Variants in TRIM3 observed in about 807,000 individuals in gnomAD.
TRIM3 encodes tripartite motif containing 3, also known as tripartite motif-containing protein 3.
In TRIM3, 13 loss-of-function variants were observed where a neutral mutation model predicts 66.6. The ratio of observed to expected loss-of-function variants is 0.20; its 90% confidence interval spans 0.13 to 0.31. The LOEUF (loss-of-function observed/expected upper bound fraction) is 0.31, where lower values mean the gene tolerates loss of function less well. Ranked by LOEUF, TRIM3 falls within the 10% of genes least tolerant of loss-of-function variation. TRIM3 has a pLI of 1.00. For missense variants in TRIM3, 711 were observed against 1,020.4 expected (o/e 0.70, Z 4.13); for synonymous variants, 406 against 411.7 (o/e 0.99, Z 0.17).
intron 2 of TRIM3, among the ~76,000 whole-genome samples, chr11:6,463,752 T>A (rs550727346): frequency 5.8e-4 from 89 of 152,246 alleles, no homozygotes; most frequent in African/African-American, 2.1e-3. Flanking sequence ...GATTATAAGA[T>A]TCAGGGCATG....
chr11:6,465,202 C>T (rs116989614), intron 2 of TRIM3, among the ~76,000 whole-genome samples: 2 of 152,072 alleles, frequency 1.3e-5, no homozygotes, highest in Non-Finnish European at 2.9e-5. Context: ...GAAGGACAGA[C>T]CTAACTTCAA....
In TRIM3 at chr11:6,456,051, G is replaced by A; in HGVS notation, c.1533+21C>T. The A allele has an allele frequency of 1.2e-6, 2 of 1,608,882 alleles. No individual in the cohort carries two copies. Among genetic ancestry groups the A allele is most frequent in the Non-Finnish European group, 8.5e-7 (1 of 1,175,298 alleles). Reference sequence around the variant, plus strand: ...GAAAACTCTTATTTTGGTGGTGGAGGAGAGCGGTAAAGGTGCTTACCTGAA... The same window carrying A: ...GAAAACTCTTATTTTGGTGGTGGAGAAGAGCGGTAAAGGTGCTTACCTGAA... On this transcript the variant is annotated intron_variant, in intron 7 of 11. Transcript: ENST00000345851. The surrounding 1 kb of genome is among the most constrained non-coding windows in gnomAD (Gnocchi z 6.4).
chr11:6,464,684 T>C (rs1002624537), intron 2 of TRIM3, among the ~76,000 whole-genome samples: 3 of 152,110 alleles, frequency 2.0e-5, no homozygotes, highest in Non-Finnish European at 2.9e-5. Flanking sequence ...ATGTAAACTA[T>C]TGTGTATCAG....
chr11:6,457,435 A>C lies in TRIM3; in HGVS notation c.557T>G (p.Ile186Ser). ...LSAAIALVGG[I>S]SQQLQERKAE... Reference sequence around the variant, plus strand: ...CTTGCGCTCCTGCAGCTGCTGGCTGATGCCCCCGACTAAGGCAATTGCTGC... The same window carrying C: ...CTTGCGCTCCTGCAGCTGCTGGCTGCTGCCCCCGACTAAGGCAATTGCTGC... The change falls in exon 5 of 12, where the codon ATC (isoleucine) becomes AGC (serine). Residue 186 changes from isoleucine (I) to serine (S), a missense_variant. Physicochemically the swap from Ile to Ser is moderately radical, Grantham distance 142. Coordinates refer to ENST00000345851, the MANE Select transcript of TRIM3 (RefSeq NM_033278.4). The surrounding 1 kb of genome is among the most constrained non-coding windows in gnomAD (Gnocchi z 4.5). 6.2e-7 allele frequency: 1 copy of C among 1,613,374 alleles called. No homozygotes were observed. The highest frequency in any genetic ancestry group is 8.5e-7 in the Non-Finnish European group (1 of 1,180,028).
In TRIM3 at chr11:6,456,397, G is replaced by C; in HGVS notation, c.1329C>G (p.Ser443Arg). 6.5e-7 allele frequency: 1 copy of C among 1,530,350 alleles called. No individual in the cohort carries two copies. Among genetic ancestry groups the C allele is most frequent in the Non-Finnish European group, 8.8e-7 (1 of 1,136,288 alleles). 94.8% of individuals were successfully genotyped at this position (1,530,350 alleles called of 1,614,324 possible). The change falls in exon 6 of 12, where the codon AGC becomes AGG. Residue 443 changes from serine (S) to arginine (R), a missense_variant. Ser to Arg is a moderately radical substitution (Grantham distance 110). Around this residue, in one of 3 missense-constraint regions of TRIM3, gnomAD observed 399 missense variants for 458.1 expected, o/e 0.87. Transcript: ENST00000345851. The surrounding 1 kb of genome is among the most constrained non-coding windows in gnomAD (Gnocchi z 6.4). ...TACGCACTGCCTTCTGGCGCACATGGCTGCCGGGGCCGCCAGGGGACTTGA... is the reference window on the plus strand; with the variant it reads ...TACGCACTGCCTTCTGGCGCACATGCCTGCCGGGGCCGCCAGGGGACTTGA... ...RRVKSPGGPG[S>R]HVRQKAVRRP... is the part of the protein sequence containing the mutation.
At chr11:6,454,083 T>C (rs1232924120) in intron 7 of TRIM3, among the ~76,000 whole-genome samples, 1 of 152,126 alleles carries the variant, frequency 6.6e-6, no homozygotes, top group Non-Finnish European at 1.5e-5. Flanking sequence ...TTCCCCACTC[T>C]GAAACAATGG....
In TRIM3 at chr11:6,456,201, CAAAAT is replaced by C; in HGVS notation, c.1430-31_1430-27del. 8 of 1,612,836 alleles carry C rather than the reference CAAAAT, an allele frequency of 5.0e-6. No individual in the cohort carries two copies. Among genetic ancestry groups the C allele is most frequent in the Non-Finnish European group, 6.8e-6 (8 of 1,179,066 alleles). The stretch of plus-strand genomic sequence containing the variant: ...CTGTGGGAAGGGACAGGAGGGAAAA[CAAAAT>C]AATTCATTCAGAGGTCATCTTGAAC... On this transcript the variant is annotated intron_variant, in intron 6 of 11. Transcript: ENST00000345851. This position sits in a 1 kb window ranked among gnomAD's most constrained non-coding sequence, Gnocchi z 6.4.
In TRIM3 at chr11:6,465,715, C is replaced by T. The variant is rs74053396; in HGVS notation, c.-20G>A. The stretch of plus-strand genomic sequence containing the variant: ...TGCCATGGCGCCCACAGATGGCTCC[C>T]GCCACTCACACCAGCCTCTGTATGG... On this transcript the variant is annotated 5_prime_UTR_variant, in exon 2 of 12. Coordinates refer to ENST00000345851, the MANE Select transcript of TRIM3 (RefSeq NM_033278.4). The T allele has an allele frequency of 0.17, 276,886 of 1,613,120 alleles. 25,179 individuals carry two copies. Among genetic ancestry groups the T allele is most frequent in the African/African-American group, 0.24 (18,305 of 74,936 alleles).
chr11:6,449,579 T>A lies in TRIM3; in HGVS notation c.1942-133A>T. 1 of 799,532 alleles carries A rather than the reference T, an allele frequency of 1.3e-6. No individual in the cohort carries two copies. Among genetic ancestry groups the A allele is most frequent in the Non-Finnish European group, 2.0e-6 (1 of 512,718 alleles). 49.5% of individuals were successfully genotyped at this position (799,532 alleles called of 1,614,324 possible). A position where few individuals can be genotyped will look rare whatever the true frequency, so the allele number is the denominator to read the frequency against. On this transcript the variant is annotated intron_variant, in intron 10 of 11. Coordinates refer to ENST00000345851, the MANE Select transcript of TRIM3 (RefSeq NM_033278.4). This position sits in a 1 kb window ranked among gnomAD's most constrained non-coding sequence, Gnocchi z 5.3. ...ACAGCTACAGCCCAAATCTGCTTCA[T>A]AGGCTTCACATCCATGTGCCCTACT...
intron 1 of TRIM3, among the ~76,000 whole-genome samples, chr11:6,468,612 G>A (rs527782809): frequency 1.8e-4 from 28 of 152,130 alleles, no homozygotes; most frequent in Non-Finnish European, 2.8e-4. Flanking sequence ...AGTAAGAAAC[G>A]GACTGAAGAG....
At position 6,450,534 on chromosome 11, in the gene TRIM3, G is replaced by A; in HGVS notation, c.1941+17C>T. 1.9e-6 allele frequency: 3 copies of A among 1,610,864 alleles called. No homozygotes were observed. Among genetic ancestry groups the A allele is most frequent in the Non-Finnish European group, 2.5e-6 (3 of 1,177,024 alleles). Reference sequence around the variant, plus strand: ...GGATGTTGGGACAGTGGTCACGGAGGGAGGGAAGACACTGACCTTCACTGA... The same window carrying A: ...GGATGTTGGGACAGTGGTCACGGAGAGAGGGAAGACACTGACCTTCACTGA... On this transcript the variant is annotated intron_variant, in intron 10 of 11. Transcript: ENST00000345851. The surrounding 1 kb of genome is among the most constrained non-coding windows in gnomAD (Gnocchi z 4.8).
At chr11:6,470,440 G>A (rs1850634948) in intron 1 of TRIM3, among the ~76,000 whole-genome samples, 1 of 152,152 alleles carries the variant, frequency 6.6e-6, no homozygotes, top group African/African-American at 2.4e-5. Flanking sequence ...GTCTTACTCT[G>A]TTGTCCAGGC....
At position 6,457,174 on chromosome 11, in the gene TRIM3, A is replaced by G. The variant is rs1251613317; in HGVS notation, c.696+122T>C. On this transcript the variant is annotated intron_variant, in intron 5 of 11. Coordinates refer to ENST00000345851, the MANE Select transcript of TRIM3 (RefSeq NM_033278.4). This position sits in a 1 kb window ranked among gnomAD's most constrained non-coding sequence, Gnocchi z 4.5. ...GATGCCCACAGCACCTACCGAGGGC[A>G]TGTCAGGAGGCAGAATATCTAGGCT... 16 of 1,517,796 alleles carry G rather than the reference A, an allele frequency of 1.1e-5. No homozygotes were observed. The highest frequency in any genetic ancestry group is 3.5e-5 in the Admixed American group (2 of 56,366). The allele number at this position is 1,517,796 out of a possible 1,614,324, so 94.0% of individuals were successfully genotyped here. A position where few individuals can be genotyped will look rare whatever the true frequency, so the allele number is the denominator to read the frequency against.
intron 2 of TRIM3, among the ~76,000 whole-genome samples, chr11:6,462,653 C>T (rs1337672500): frequency 6.6e-6 from 1 of 152,206 alleles, no homozygotes; most frequent in South Asian, 2.1e-4. Context: ...CTCAAGTGAT[C>T]CTCCCACCTT....
At chr11:6,461,842 C>T (rs1850254494) in intron 2 of TRIM3, among the ~76,000 whole-genome samples, 1 of 152,106 alleles carries the variant, frequency 6.6e-6, no homozygotes, top group Non-Finnish European at 1.5e-5. Context: ...TTTTACATTA[C>T]ATTATTTCCC....
At chr11:6,453,735 G>A (rs913301985) in intron 7 of TRIM3, among the ~76,000 whole-genome samples, 1 of 152,154 alleles carries the variant, frequency 6.6e-6, no homozygotes, top group East Asian at 1.9e-4. Context: ...ATCACAAAAT[G>A]TTTTTTGTCT....
At chr11:6,454,158 A>G (rs1849864790) in intron 7 of TRIM3, among the ~76,000 whole-genome samples, 1 of 152,124 alleles carries the variant, frequency 6.6e-6, no homozygotes, top group Non-Finnish European at 1.5e-5. Context: ...GCAGGAGGAT[A>G]GCTTGAGCCT....
chr11:6,460,542 G>A (rs1295199637), intron 2 of TRIM3, among the ~76,000 whole-genome samples: 2 of 152,150 alleles, frequency 1.3e-5, no homozygotes, highest in African/African-American at 2.4e-5. Flanking sequence ...CTGAATGGAG[G>A]GAAGGAGGAA....
At position 6,449,791 on chromosome 11, in the gene TRIM3, C is replaced by T. The variant is rs1849646189; in HGVS notation, c.1942-345G>A. ...AATGAATTAACACAACTCTTGATTC[C>T]ATCTCAAATCCCTCTCTCAAGTCTA... On this transcript the variant is annotated intron_variant, in intron 10 of 11. Coordinates refer to ENST00000345851, the MANE Select transcript of TRIM3 (RefSeq NM_033278.4). This position sits in a 1 kb window ranked among gnomAD's most constrained non-coding sequence, Gnocchi z 5.3. The T allele has an allele frequency of 4.1e-6, 1 of 246,026 alleles. No homozygotes were observed. The highest frequency in any genetic ancestry group is 7.9e-6 in the Non-Finnish European group (1 of 126,592). The allele number at this position is 246,026 out of a possible 1,614,324, so 15.2% of individuals were successfully genotyped here.
Sources: allele counts gnomAD v4.1 joint callset (sites outside exome capture counted in the v4.1 genomes callset), GRCh38; gene constraint gnomAD v4.1.1; regional missense constraint gnomAD v4.1.1; non-coding constraint Gnocchi (gnomAD v3.1); transcripts MANE v1.5; gene names NCBI Gene and HGNC (gene_info 2026-07-23, HGNC 2026-07-21).